CCDC33: variants seen among roughly 807,000 people sequenced by gnomAD.
CCDC33 encodes coiled-coil domain containing 33, also known as coiled-coil domain-containing protein 33.
Under a neutral mutation model 91.9 loss-of-function variants are expected in CCDC33, and 94 were observed. That is an observed-to-expected ratio of 1.02 (90% CI 0.87 to 1.21). The LOEUF (loss-of-function observed/expected upper bound fraction) is 1.21, where lower values mean the gene tolerates loss of function less well. Ranked by LOEUF, CCDC33 falls within the 50% of genes most tolerant of loss-of-function variation. The probability of loss-of-function intolerance (pLI) is 0.00; values close to 1 mark genes in which losing one functional copy is unlikely to be tolerated. For missense variants in CCDC33, 940 were observed against 935.5 expected, an observed-to-expected ratio of 1.00 and a Z score of -0.06; for synonymous variants, 396 against 374.5, an observed-to-expected ratio of 1.06 and a Z score of -0.66.
intron 2 of CCDC33, among the ~76,000 whole-genome samples, chr15:74,251,863 G>T (rs2075720493): frequency 2.0e-5 from 3 of 152,254 alleles, no homozygotes; most frequent in South Asian, 4.2e-4. Flanking sequence ...TTGAAATCCT[G>T]GCAAGAGGGG....
intron 10 of CCDC33, 90 bp from the exon 11 acceptor site, chr15:74,295,664 G>A (rs1389997152): frequency 6.2e-6 from 7 of 1,128,656 alleles, no homozygotes; most frequent in Non-Finnish European, 8.9e-6. Flanking sequence ...CCATGAGGAG[G>A]AGAGGCTTGG....
At chr15:74,203,729 C>CCAAAGTCTG (rs2074183083) in intron 1 of CCDC33, among the ~76,000 whole-genome samples, 2 of 152,164 alleles carry the variant, frequency 1.3e-5, no homozygotes, top group South Asian at 4.1e-4. Flanking sequence ...TAAATCCCCT[C>CCAAAGTCTG]CAAAGTCTGA....
chr15:74,217,085 C>T (rs556015148), upstream of CCDC33: 13 of 288,882 alleles, frequency 4.5e-5, no homozygotes, highest in African/African-American at 2.2e-4. Context: ...AGGAAGGGAT[C>T]GATGGAAAAA....
chr15:74,264,025 G>A (rs113625057), intron 3 of CCDC33, among the ~76,000 whole-genome samples: 2,157 of 152,208 alleles, frequency 0.014, 55 homozygotes, highest in African/African-American at 0.049. Context: ...ATGTAATAAG[G>A]TCAGTGACCC....
At chr15:74,272,979 C>G in intron 7 of CCDC33, 88 bp downstream of exon 7, 1 of 1,523,940 alleles carries the variant, frequency 6.6e-7, no homozygotes, top group South Asian at 1.2e-5. Flanking sequence ...CAGCAGTTCC[C>G]TTGACTATCG....
chr15:74,294,039 T>C (rs1205561854), intron 10 of CCDC33, among the ~76,000 whole-genome samples: 1 of 152,224 alleles, frequency 6.6e-6, no homozygotes, highest in African/African-American at 2.4e-5. Flanking sequence ...CTCAATTCAT[T>C]GAATTAGTAT....
chr15:74,263,622 A>G (rs1012177400), intron 3 of CCDC33, among the ~76,000 whole-genome samples: 1 of 152,246 alleles, frequency 6.6e-6, no homozygotes. Context: ...AAGAAGATGC[A>G]AAAGAGGAGG....
chr15:74,209,208 C>T (rs938963162), intron 1 of CCDC33: 56 of 1,021,652 alleles, frequency 5.5e-5, no homozygotes, highest in Non-Finnish European at 4.6e-5. Context: ...TTGTCTCCAG[C>T]GGTATAGCCT....
At chr15:74,290,068 C>G (rs1320618099) in intron 10 of CCDC33, among the ~76,000 whole-genome samples, 1 of 152,208 alleles carries the variant, frequency 6.6e-6, no homozygotes, top group Non-Finnish European at 1.5e-5. Flanking sequence ...GATTTCCCCC[C>G]TTCTGAAAAC....
chr15:74,260,787 G>A (rs568704623), intron 2 of CCDC33, among the ~76,000 whole-genome samples: 12 of 152,230 alleles, frequency 7.9e-5, no homozygotes, highest in Middle Eastern at 3.4e-3. Flanking sequence ...ATCACGCCAC[G>A]GCAAAGGGGC....
upstream of CCDC33, among the ~76,000 whole-genome samples, chr15:74,233,759 G>T (rs1241441184): frequency 6.6e-6 from 1 of 152,222 alleles, no homozygotes; most frequent in African/African-American, 2.4e-5. Flanking sequence ...CCACAGAGCA[G>T]CCCTGATTGC....
At chr15:74,335,321 A>T in intron 18 of CCDC33, 2 of 608,026 alleles carry the variant, frequency 3.3e-6, no homozygotes, top group South Asian at 3.9e-5. Context: ...CCTTTCCCCC[A>T]TGGGGTGCTG....
Position 74,236,518 on chromosome 15 carries a change from CCCCT to C in CCDC33, c.-198_-195del. The C allele has an allele frequency of 2.5e-6, 1 of 407,488 alleles. No homozygotes were observed. The highest frequency in any genetic ancestry group is 4.3e-5 in the East Asian group (1 of 23,338). The allele number at this position is 407,488 out of a possible 1,614,324, so 25.2% of individuals were successfully genotyped here. A position where few individuals can be genotyped will look rare whatever the true frequency, so the allele number is the denominator to read the frequency against. ...GACCTGCTCCCACCTGGCCACCCTC[CCCCT>C]CCCCCCACATCCAGGCCCCAGGGCT... On this transcript the variant is annotated 5_prime_UTR_variant, in exon 1 of 19. Coordinates refer to ENST00000398814, the MANE Select transcript of CCDC33 (RefSeq NM_025055.5).
rs776598763 is a variant in CCDC33, at chr15:74,281,807, G to A, written c.1053G>A (p.Glu351=). The A allele has an allele frequency of 1.9e-6, 3 of 1,614,020 alleles. No homozygotes were observed. The highest frequency in any genetic ancestry group is 2.2e-5 in the South Asian group (2 of 91,052). ...MDTSLKTIND[E]APTVALSFQL... ...CCAGCCTGAAAACTATCAATGATGAGGCCCCCACAGTGGCTCTCTCCTTCC... is the reference window on the plus strand; with the variant it reads ...CCAGCCTGAAAACTATCAATGATGAAGCCCCCACAGTGGCTCTCTCCTTCC... The change falls in exon 10 of 19, where the codon GAG becomes GAA. Residue 351 remains glutamate, a synonymous_variant. Transcript: ENST00000398814.
rs897020302 is a variant in CCDC33, at chr15:74,316,133, T to G, written c.1291-14056T>G. ...GGTGGGGGCTCTTGAGCACCCGTTTTATAGATGAAATGCCTGAGACCAGGC... is the reference window on the plus strand; with the variant it reads ...GGTGGGGGCTCTTGAGCACCCGTTTGATAGATGAAATGCCTGAGACCAGGC... On this transcript the variant is annotated intron_variant, in intron 11 of 18. Coordinates refer to ENST00000398814, the MANE Select transcript of CCDC33 (RefSeq NM_025055.5). This position sits in a 1 kb window ranked among gnomAD's most constrained non-coding sequence, Gnocchi z 4.7. 1.3e-5 allele frequency among the ~76,000 whole-genome samples: 2 copies of G among 152,126 alleles called. No individual in the cohort carries two copies. Among genetic ancestry groups the G allele is most frequent in the African/African-American group, 2.4e-5 (1 of 41,432 alleles).
intron 2 of CCDC33, among the ~76,000 whole-genome samples, chr15:74,250,295 C>T (rs898513342): frequency 6.6e-6 from 1 of 152,114 alleles, no homozygotes; most frequent in Admixed American, 6.5e-5. Flanking sequence ...TCCCATTGTT[C>T]CCAAAGTAAA....
chr15:74,238,487 CAT>C (rs2075250382), intron 1 of CCDC33, among the ~76,000 whole-genome samples: 2 of 150,632 alleles, frequency 1.3e-5, no homozygotes, highest in Admixed American at 1.3e-4. Context: ...ATCCCCAGTT[CAT>C]GTTTTTTAAA....
upstream of CCDC33, among the ~76,000 whole-genome samples, chr15:74,232,869 G>C (rs759091717): frequency 9.9e-5 from 15 of 152,082 alleles, no homozygotes; most frequent in South Asian, 1.2e-3. Context: ...GGCCAGAGAA[G>C]TGAGAAATGG....
chr15:74,210,279 GCAA>G (rs2074348730), intron 2 of CCDC33, among the ~76,000 whole-genome samples: 1 of 152,120 alleles, frequency 6.6e-6, no homozygotes, highest in South Asian at 2.1e-4. Context: ...AAAATAATTG[GCAA>G]CAACCCCAAT....
Sources: allele counts gnomAD v4.1 joint callset (sites outside exome capture counted in the v4.1 genomes callset), GRCh38; gene constraint gnomAD v4.1.1; non-coding constraint Gnocchi (gnomAD v3.1); transcripts MANE v1.5; gene names NCBI Gene and HGNC (gene_info 2026-07-23, HGNC 2026-07-21).